KPNA3: variants seen among roughly 807,000 people sequenced by gnomAD.
KPNA3 encodes importin subunit alpha-4.
A neutral mutation model predicts 73.8 loss-of-function variants in KPNA3; 13 were observed. The ratio of observed to expected loss-of-function variants is 0.18; its 90% confidence interval spans 0.11 to 0.28. The LOEUF (loss-of-function observed/expected upper bound fraction) is 0.28. KPNA3 is among the 10% of genes least tolerant of loss of function. The probability of loss-of-function intolerance (pLI) is 1.00; values close to 1 mark genes in which losing one functional copy is unlikely to be tolerated. For missense variants in KPNA3, 360 were observed against 618.1 expected (o/e 0.58, Z 4.43); for synonymous variants, 186 against 206.9 (o/e 0.90, Z 0.87).
chr13:49,719,066 G>A (rs1056373632), intron 10 of KPNA3, among the ~76,000 whole-genome samples: 24 of 151,982 alleles, frequency 1.6e-4, no homozygotes, highest in African/African-American at 5.3e-4. Context: ...TTTATCCACT[G>A]TTTTACTCCA....
intron 15 of KPNA3, among the ~76,000 whole-genome samples, chr13:49,703,666 C>A (rs1225221990): frequency 6.6e-6 from 1 of 152,148 alleles, no homozygotes; most frequent in Non-Finnish European, 1.5e-5. Context: ...CCTATAGCCA[C>A]AATGAACCTG....
At chr13:49,741,456 C>CT (rs1190219673) in intron 2 of KPNA3, among the ~76,000 whole-genome samples, 4,074 of 139,560 alleles carry the variant, frequency 0.029, 80 homozygotes, top group African/African-American at 0.049. Context: ...CTCTTTTGCC[C>CT]TTTTTTTTTT....
Position 49,722,089 on chromosome 13 carries a change from G to C in KPNA3, c.592C>G (p.Leu198Val). ...GACAGAAGAGGTTTGACAACTCCCAGTGATATGACATAATCTCTACATTGA... is the reference window on the plus strand; with the variant it reads ...GACAGAAGAGGTTTGACAACTCCCACTGATATGACATAATCTCTACATTGA... ...GPQCRDYVIS[L>V]GVVKPLLSFI... Residue 198 changes from leucine (L) to valine (V), a missense_variant, in exon 9 of 17, where the codon CTG (leucine) becomes GTG (valine). This residue lies in a region of KPNA3 where 287 missense variants were observed against 549.1 expected (regional missense o/e 0.52). Coordinates refer to ENST00000261667, the MANE Select transcript of KPNA3 (RefSeq NM_002267.4). 1 of 1,607,276 alleles carries C rather than the reference G, an allele frequency of 6.2e-7. No individual in the cohort carries two copies. Among genetic ancestry groups the C allele is most frequent in the Non-Finnish European group, 8.5e-7 (1 of 1,176,942 alleles).
At position 49,787,902 on chromosome 13, in the gene KPNA3, A is replaced by T. The variant is rs373598586; in HGVS notation, c.69+4536T>A. 2.7e-4 allele frequency among the ~76,000 whole-genome samples: 41 copies of T among 151,668 alleles called. No individual in the cohort carries two copies. The South Asian group carries it at 8.1e-3, about 30-fold the overall frequency. ...ACCATGTTGGCCAGGCTGGTCTCGA[A>T]CTCCTGACCTCGGGTGATCCACCTG... On this transcript the variant is annotated intron_variant, in intron 1 of 16. Coordinates refer to ENST00000261667, the MANE Select transcript of KPNA3 (RefSeq NM_002267.4).
Position 49,792,468 on chromosome 13 carries a change from C to G in KPNA3, c.39G>C (p.Lys13Asn). 1 of 1,583,722 alleles carries G rather than the reference C, an allele frequency of 6.3e-7. No homozygotes were observed. The highest frequency in any genetic ancestry group is 8.6e-7 in the Non-Finnish European group (1 of 1,166,620). The change falls in exon 1 of 17, where the codon AAG becomes AAC. Residue 13 changes from lysine to asparagine, a missense_variant. By Grantham distance (94) the Lys-to-Asn change is moderately conservative. Coordinates refer to ENST00000261667, the MANE Select transcript of KPNA3 (RefSeq NM_002267.4). ...ENPSLENHRI[K>N]SFKNKGRDVE... ...CATCGCGGCCCTTGTTCTTGAAGCT[C>G]TTGATGCGGTGGTTCTCCAAGCTGG...
chr13:49,771,171 T>C (rs59227115), intron 1 of KPNA3, among the ~76,000 whole-genome samples: 3,200 of 147,044 alleles, frequency 0.022, 45 homozygotes, highest in South Asian at 0.032. Flanking sequence ...AAGAAAAGAA[T>C]AGAAAAAAAG....
At chr13:49,727,429 C>CAG (rs1344735804) in intron 6 of KPNA3, among the ~76,000 whole-genome samples, 1 of 122,408 alleles carries the variant, frequency 8.2e-6, no homozygotes, top group Non-Finnish European at 1.6e-5. Context: ...GCCTGGGCGA[C>CAG]AGAGAGAGAT....
chr13:49,708,458 C>T (rs779879299), intron 12 of KPNA3, among the ~76,000 whole-genome samples: 121 of 152,252 alleles, frequency 7.9e-4, no homozygotes, highest in Middle Eastern at 3.4e-3. Context: ...CAATGGAAAA[C>T]GGTTTGGTGG....
At chr13:49,736,843 C>T (rs898945538) in intron 2 of KPNA3, among the ~76,000 whole-genome samples, 2 of 152,046 alleles carry the variant, frequency 1.3e-5, no homozygotes, top group Non-Finnish European at 2.9e-5. Context: ...CATCTGACAC[C>T]GTATATAACC....
chr13:49,780,287 C>A (rs1304612568), intron 1 of KPNA3, among the ~76,000 whole-genome samples: 1 of 152,068 alleles, frequency 6.6e-6, no homozygotes, highest in African/African-American at 2.4e-5. Context: ...AGGTGAATAG[C>A]TGCAATACAA....
chr13:49,792,410 C>T (rs1304686762), intron 1 of KPNA3, 28 bp downstream of exon 1: 4 of 1,518,032 alleles, frequency 2.6e-6, no homozygotes, highest in South Asian at 1.2e-5. Context: ...CGCGGCCAGG[C>T]GGGCCCAGAC....
At chr13:49,724,298 CATG>C (rs1468222438) in intron 7 of KPNA3, among the ~76,000 whole-genome samples, 1 of 151,516 alleles carries the variant, frequency 6.6e-6, no homozygotes, top group Non-Finnish European at 1.5e-5. Flanking sequence ...TGCTGGGTCA[CATG>C]ATAACTTTTT....
At chr13:49,791,874 T>C (rs1266525449) in intron 1 of KPNA3, among the ~76,000 whole-genome samples, 1 of 151,714 alleles carries the variant, frequency 6.6e-6, no homozygotes, top group Non-Finnish European at 1.5e-5. Context: ...CCCTCCCCCA[T>C]CGATCACCCT....
chr13:49,757,803 T>A (rs1391574038), intron 1 of KPNA3, among the ~76,000 whole-genome samples: 1 of 152,152 alleles, frequency 6.6e-6, no homozygotes, highest in Non-Finnish European at 1.5e-5. Flanking sequence ...CTGTGGTACA[T>A]CCATACCATG....
intron 2 of KPNA3, among the ~76,000 whole-genome samples, chr13:49,743,146 A>T (rs1180627273): frequency 6.6e-6 from 1 of 152,206 alleles, no homozygotes; most frequent in East Asian, 1.9e-4. Flanking sequence ...CCCATGGAGT[A>T]AAGTGAGTTA....
chr13:49,750,993 A>G (rs1430012040), intron 1 of KPNA3, among the ~76,000 whole-genome samples: 3 of 150,552 alleles, frequency 2.0e-5, no homozygotes, highest in Non-Finnish European at 3.0e-5. Context: ...TTCTGTCTCG[A>G]AAAAAAAAAG....
At chr13:49,735,337 G>T (rs1238885969) in intron 2 of KPNA3, among the ~76,000 whole-genome samples, 1 of 152,046 alleles carries the variant, frequency 6.6e-6, no homozygotes. Flanking sequence ...GGTCAGGCTG[G>T]TCTCGAACTC....
At chr13:49,712,219 T>G (rs1407641370) in intron 10 of KPNA3, among the ~76,000 whole-genome samples, 4 of 152,018 alleles carry the variant, frequency 2.6e-5, no homozygotes, top group Admixed American at 2.0e-4. Context: ...CAATGGAAAA[T>G]AACCCTTCAT....
rs1955043226 is a variant in KPNA3, at chr13:49,792,487, A to C, written c.20T>G (p.Leu7Trp). 2 of 1,579,414 alleles carry C rather than the reference A, an allele frequency of 1.3e-6. No individual in the cohort carries two copies. Residue 7 changes from leucine to tryptophan, a missense_variant, in exon 1 of 17, where the codon TTG (leucine) becomes TGG (tryptophan). Leu to Trp is a moderately conservative substitution (Grantham distance 61). Around this residue, in one of 3 missense-constraint regions of KPNA3, gnomAD observed 35 missense variants for 30.0 expected, o/e 1.17. Transcript: ENST00000261667. MAENPS[L>W]ENHRIKSFKN... ...GAAGCTCTTGATGCGGTGGTTCTCCAAGCTGGGGTTCTCGGCCATGGCTGC... is the reference window on the plus strand; with the variant it reads ...GAAGCTCTTGATGCGGTGGTTCTCCCAGCTGGGGTTCTCGGCCATGGCTGC...
Sources: allele counts gnomAD v4.1 joint callset (sites outside exome capture counted in the v4.1 genomes callset), GRCh38; gene constraint gnomAD v4.1.1; regional missense constraint gnomAD v4.1.1; transcripts MANE v1.5; gene names NCBI Gene and HGNC (gene_info 2026-07-23, HGNC 2026-07-21).